Variants in KIFBP observed in about 807,000 individuals in gnomAD.
KIFBP encodes kinesin family binding protein.
In KIFBP, 46 loss-of-function variants were observed where a neutral mutation model predicts 58.9. The observed-to-expected ratio is 0.78, with a 90% confidence interval of 0.62 to 1.00. The LOEUF (loss-of-function observed/expected upper bound fraction) is 1.00. KIFBP is among the 50% of genes least tolerant of loss of function. KIFBP has a pLI of 0.00. For missense variants in KIFBP, 651 were observed against 752.9 expected (o/e 0.86, Z 1.58); for synonymous variants, 241 against 283.4 (o/e 0.85, Z 1.50).
intron 6 of KIFBP, among the ~76,000 whole-genome samples, chr10:69,014,109 AC>A (rs1263141269): frequency 3.9e-5 from 6 of 152,138 alleles, no homozygotes; most frequent in Non-Finnish European, 7.3e-5. Flanking sequence ...TATCTGAAAG[AC>A]CTTCTTCAGT....
At chr10:69,014,717 C>CT (rs1554843729) in intron 6 of KIFBP, among the ~76,000 whole-genome samples, 1 of 73,910 alleles carries the variant, frequency 1.4e-5, no homozygotes, top group African/African-American at 5.7e-5. Context: ...TTTTTATTTG[C>CT]CCCCCCCCAC....
chr10:68,989,059 T>C lies in KIFBP; in HGVS notation c.227T>C (p.Leu76Pro). 1.2e-6 allele frequency: 2 copies of C among 1,612,690 alleles called. No individual in the cohort carries two copies. The highest frequency in any genetic ancestry group is 1.7e-6 in the Non-Finnish European group (2 of 1,179,136). The change falls in exon 1 of 7, where the codon CTG becomes CCG. Residue 76 changes from leucine (L) to proline (P), a missense_variant. Transcript: ENST00000361983. ...GPGAGDHALG[L>P]PAEVVEPEGP... Reference sequence around the variant, plus strand: ...GGTGCCGGTGACCACGCCCTGGGGCTGCCGGCTGAGGTGGTGGAGCCCGAG... The same window carrying C: ...GGTGCCGGTGACCACGCCCTGGGGCCGCCGGCTGAGGTGGTGGAGCCCGAG...
chr10:69,014,080 C>T (rs1233615739), intron 6 of KIFBP, among the ~76,000 whole-genome samples: 3 of 152,132 alleles, frequency 2.0e-5, no homozygotes, highest in African/African-American at 7.2e-5. Context: ...TTAACTTCAT[C>T]CTTTATCATC....
In KIFBP at chr10:69,015,797, T is replaced by C; in HGVS notation, c.1247T>C (p.Val416Ala). The C allele has an allele frequency of 6.2e-7, 1 of 1,614,222 alleles. No individual in the cohort carries two copies. Among genetic ancestry groups the C allele is most frequent in the Non-Finnish European group, 8.5e-7 (1 of 1,180,042 alleles). ...GAGTTCTTTCAGATTGATGGTTATG[T>C]CACTGACCATATTGAAGTTGTCCAA... ...AKEFFQIDGY[V>A]TDHIEVVQDH... is the part of the protein sequence containing the mutation. The change falls in exon 7 of 7, where the codon GTC (valine) becomes GCC (alanine). Residue 416 changes from valine to alanine, a missense_variant. Physicochemically the swap from Val to Ala is moderately conservative, Grantham distance 64. Transcript: ENST00000361983.
Position 68,989,050 on chromosome 10 carries a change from C to T in KIFBP, c.218C>T (p.Ala73Val). The change falls in exon 1 of 7, where the codon GCC becomes GTC. Residue 73 changes from alanine to valine, a missense_variant. Physicochemically the swap from Ala to Val is moderately conservative, Grantham distance 64. Transcript: ENST00000361983. ...GACGGCCCGGGTGCCGGTGACCACG[C>T]CCTGGGGCTGCCGGCTGAGGTGGTG... ...AEDGPGAGDHALGLPAEVVEP... is the reference protein window; with the variant it reads ...AEDGPGAGDHVLGLPAEVVEP... 1 of 1,612,900 alleles carries T rather than the reference C, an allele frequency of 6.2e-7. No individual in the cohort carries two copies. The highest frequency in any genetic ancestry group is 8.5e-7 in the Non-Finnish European group (1 of 1,179,248).
intron 5 of KIFBP, among the ~76,000 whole-genome samples, chr10:69,009,827 G>A (rs2256730): frequency 0.72 from 109,554 of 151,910 alleles, 39,796 homozygotes; most frequent in Middle Eastern, 0.77. Flanking sequence ...TGATTCTATT[G>A]CTCACTGTTG....
rs985410422 is a variant in KIFBP, at chr10:69,016,409, T to G, written c.1859T>G (p.Leu620Arg). Residue 620 changes from leucine to arginine, a missense_variant, in exon 7 of 7, where the codon CTG (leucine) becomes CGG (arginine). Transcript: ENST00000361983. ...KMERFRTKMALT is the reference protein window; with the variant it reads ...KMERFRTKMART ...GAGAGATTCAGAACCAAGATGGCCC[T>G]GACTTAATCCTTGTTTTTAAAGAAA... 1 of 1,614,078 alleles carries G rather than the reference T, an allele frequency of 6.2e-7. No individual in the cohort carries two copies. Among genetic ancestry groups the G allele is most frequent in the Non-Finnish European group, 8.5e-7 (1 of 1,179,990 alleles).
chr10:69,008,391 A>AAAAAAAAATATATATAT, intron 4 of KIFBP, among the ~76,000 whole-genome samples: 1 of 71,590 alleles, frequency 1.4e-5, no homozygotes, highest in Non-Finnish European at 2.4e-5. Flanking sequence ...AAAAAAAAAA[A>AAAAAAAAATATATATAT]ATATATATAT....
intron 4 of KIFBP, 180 bp downstream of exon 4, chr10:69,006,095 A>G (rs966283277): frequency 3.3e-6 from 2 of 601,520 alleles, no homozygotes; most frequent in Middle Eastern, 8.9e-4. Context: ...TTTTTGTTGT[A>G]TGAATTATTT....
intron 1 of KIFBP, among the ~76,000 whole-genome samples, chr10:68,994,901 G>A (rs901413998): frequency 1.3e-5 from 2 of 151,510 alleles, no homozygotes; most frequent in Non-Finnish European, 2.9e-5. Flanking sequence ...CCTGCATTTT[G>A]TAGAATTTTA....
chr10:69,003,673 A>C (rs1021249694), intron 2 of KIFBP, among the ~76,000 whole-genome samples: 6 of 152,218 alleles, frequency 3.9e-5, no homozygotes, highest in Non-Finnish European at 7.3e-5. Context: ...GAAGCACAAG[A>C]GATCAAGTGA....
chr10:68,989,309 G>T, intron 1 of KIFBP, 51 bp downstream of exon 1: 1 of 1,594,842 alleles, frequency 6.3e-7, no homozygotes, highest in African/African-American at 1.3e-5. Flanking sequence ...GGCGAGGGAT[G>T]GGGAGGAGCC....
chr10:69,011,122 A>G, intron 6 of KIFBP, 107 bp downstream of exon 6: 1 of 762,996 alleles, frequency 1.3e-6, no homozygotes, highest in Non-Finnish European at 2.3e-6. Context: ...TTAATATGAA[A>G]GGTGTGTAGA....
chr10:69,002,868 G>A (rs1251367345), intron 2 of KIFBP, among the ~76,000 whole-genome samples: 2 of 151,546 alleles, frequency 1.3e-5, no homozygotes, highest in African/African-American at 2.4e-5. Context: ...GCCACTGCAC[G>A]CCAGCCTAGG....
At chr10:69,012,838 A>C (rs755644573) in intron 6 of KIFBP, among the ~76,000 whole-genome samples, 14 of 152,088 alleles carry the variant, frequency 9.2e-5, no homozygotes, top group Non-Finnish European at 1.8e-4. Flanking sequence ...AGTTGCAGTG[A>C]GCCAAGACTG....
chr10:69,016,360 G>T lies in KIFBP; in HGVS notation c.1810G>T (p.Val604Phe). The T allele has an allele frequency of 6.2e-7, 1 of 1,614,054 alleles. No homozygotes were observed. The highest frequency in any genetic ancestry group is 8.5e-7 in the Non-Finnish European group (1 of 1,179,954). ...TGAGCTAGAACTTAGTAAAGAGATGGTTAGTCTTCTCCCAACAAAAATGGA... is the reference window on the plus strand; with the variant it reads ...TGAGCTAGAACTTAGTAAAGAGATGTTTAGTCTTCTCCCAACAAAAATGGA... ...EVELELSKEM[V>F]SLLPTKMERF... Residue 604 changes from valine (V) to phenylalanine (F), a missense_variant, in exon 7 of 7, where the codon GTT becomes TTT. By Grantham distance (50) the Val-to-Phe change is conservative. Coordinates refer to ENST00000361983, the MANE Select transcript of KIFBP (RefSeq NM_015634.4).
intron 2 of KIFBP, among the ~76,000 whole-genome samples, chr10:69,004,219 C>CAAAAAAA (rs1164355898): frequency 3.8e-5 from 3 of 79,488 alleles, no homozygotes; most frequent in Non-Finnish European, 4.9e-5. Flanking sequence ...ACTCCATCTC[C>CAAAAAAA]AAAAAAAAAA....
At chr10:69,014,601 A>G (rs908274897) in intron 6 of KIFBP, among the ~76,000 whole-genome samples, 2 of 152,146 alleles carry the variant, frequency 1.3e-5, no homozygotes, top group Non-Finnish European at 2.9e-5. Flanking sequence ...ATCATTGGTG[A>G]GACAGTGTCA....
intron 2 of KIFBP, among the ~76,000 whole-genome samples, chr10:69,001,399 GA>G (rs1843463841): frequency 6.6e-6 from 1 of 152,118 alleles, no homozygotes; most frequent in African/African-American, 2.4e-5. Context: ...ATATGAAAGG[GA>G]AATAATCAGG....
Sources: gnomAD v4.1 joint callset for allele counts (sites outside exome capture counted in the v4.1 genomes callset) on GRCh38, gnomAD v4.1.1 for gene constraint, MANE v1.5 for transcripts, NCBI Gene and HGNC (gene_info 2026-07-23, HGNC 2026-07-21) for gene names.